SPEF2: variants seen among roughly 807,000 people sequenced by gnomAD.
SPEF2 encodes the protein sperm flagella and cilia-associated protein 2.
In SPEF2, 187 loss-of-function variants were observed where a neutral mutation model predicts 224.6. The observed-to-expected ratio is 0.83, with a 90% CI of 0.74 to 0.94. The LOEUF (loss-of-function observed/expected upper bound fraction) is 0.94. SPEF2 is among the 40% of genes least tolerant of loss of function. The probability of loss-of-function intolerance (pLI) is 0.00; values close to 1 mark genes in which losing one functional copy is unlikely to be tolerated. For missense variants in SPEF2, 2,170 were observed against 2,135.6 expected, an observed-to-expected ratio of 1.02 and a Z score of -0.32; for synonymous variants, 715 against 707.3, an observed-to-expected ratio of 1.01 and a Z score of -0.17.
rs1200473346 is a variant in SPEF2 at position 35,806,885 on chromosome 5, G to C, written c.5189G>C (p.Gly1730Ala). 6 of 1,613,930 alleles carry C rather than the reference G, an allele frequency of 3.7e-6. No individual in the cohort carries two copies. In the African/African-American group the frequency reaches 5.3e-5, roughly 14 times the overall value. The change falls in exon 35 of 37, where the codon GGG becomes GCG. Residue 1730 changes from glycine to alanine, a missense_variant. Coordinates refer to ENST00000356031, the MANE Select transcript of SPEF2 (RefSeq NM_024867.4). ...SMETLLKVFK[G>A]GSEAQDSNRF... ...GAAACACTACTCAAAGTGTTCAAAGGGGGAAGTGAAGCACAGGACTCCAAT... is the reference window on the plus strand; with the variant it reads ...GAAACACTACTCAAAGTGTTCAAAGCGGGAAGTGAAGCACAGGACTCCAAT...
chr5:35,756,846 G>A (rs892648407), intron 24 of SPEF2, among the ~76,000 whole-genome samples: 5 of 152,074 alleles, frequency 3.3e-5, no homozygotes, highest in African/African-American at 1.2e-4. Context: ...CCTGCAGGAA[G>A]GAAATCCTTT....
intron 20 of SPEF2, among the ~76,000 whole-genome samples, chr5:35,723,744 G>T (rs80045427): frequency 0.039 from 5,935 of 152,284 alleles, 158 homozygotes; most frequent in Non-Finnish European, 0.052. Context: ...GATGGAGGAA[G>T]TATGATGGGT....
intron 20 of SPEF2, among the ~76,000 whole-genome samples, chr5:35,713,151 T>C (rs770245179): frequency 1.3e-5 from 2 of 152,194 alleles, no homozygotes; most frequent in Non-Finnish European, 2.9e-5. Flanking sequence ...ATATTTTAGC[T>C]GTTATCCTTG....
intron 16 of SPEF2, among the ~76,000 whole-genome samples, chr5:35,703,260 A>T (rs1294145161): frequency 1.3e-5 from 2 of 152,120 alleles, no homozygotes; most frequent in Non-Finnish European, 2.9e-5. Context: ...TAAAAAAATG[A>T]TATCATTTAA....
intron 23 of SPEF2, among the ~76,000 whole-genome samples, chr5:35,742,031 C>T (rs367905084): frequency 9.9e-5 from 15 of 152,224 alleles, no homozygotes; most frequent in East Asian, 9.6e-4. Flanking sequence ...AATGACAAAT[C>T]CCTAATAGTC....
intron 20 of SPEF2, among the ~76,000 whole-genome samples, chr5:35,718,152 A>T (rs1194728268): frequency 6.6e-6 from 1 of 151,974 alleles, no homozygotes; most frequent in African/African-American, 2.4e-5. Flanking sequence ...GTAGGCCAAA[A>T]CCCCAACTGG....
chr5:35,716,444 C>A, intron 20 of SPEF2, among the ~76,000 whole-genome samples: 1 of 151,936 alleles, frequency 6.6e-6, no homozygotes, highest in Non-Finnish European at 1.5e-5. Context: ...ATATTAGGTA[C>A]CAAAGCATCA....
intron 18 of SPEF2, among the ~76,000 whole-genome samples, chr5:35,708,682 T>A (rs943438630): frequency 0.022 from 1 of 46 alleles, no homozygotes; most frequent in East Asian, 0.5. Context: ...CATCACCACC[T>A]CTACCTCCAT....
At chr5:35,678,153 T>C (rs115013202) in intron 10 of SPEF2, among the ~76,000 whole-genome samples, 6,394 of 152,324 alleles carry the variant, frequency 0.042, 166 homozygotes, top group Non-Finnish European at 0.055. Context: ...AAATTAAACA[T>C]GCCTGTTTTC....
intron 20 of SPEF2, among the ~76,000 whole-genome samples, chr5:35,714,260 A>T (rs183271191): frequency 1.7e-4 from 25 of 151,434 alleles, no homozygotes; most frequent in African/African-American, 5.6e-4. Flanking sequence ...ACCATCAAAG[A>T]GTAAAGAGAA....
In SPEF2 at chr5:35,801,087, A is replaced by G. The variant is rs369793521; in HGVS notation, c.5010+940A>G. 1.2e-3 allele frequency among the ~76,000 whole-genome samples: 187 copies of G among 152,314 alleles called. 7 individuals are homozygous for G. The South Asian group carries it at 0.036, about 30-fold the overall frequency. On this transcript the variant is annotated intron_variant, in intron 34 of 36. Transcript: ENST00000356031. ...CAGAGTGAGGCCAGATACATATCTAATGAGCTAACAACTCTTCAAACCAGT... is the reference window on the plus strand; with the variant it reads ...CAGAGTGAGGCCAGATACATATCTAGTGAGCTAACAACTCTTCAAACCAGT...
rs1747337589 is a variant in SPEF2, at chr5:35,740,047, G to T, written c.3191+1G>T. 1.9e-6 allele frequency: 3 copies of T among 1,614,056 alleles called. No homozygotes were observed. Reference sequence around the variant, plus strand: ...TGCTTGCTTACTTATATGAGATTAGGTAAGTAATGTTTCCAAAGTCAGAAT... The same window carrying T: ...TGCTTGCTTACTTATATGAGATTAGTTAAGTAATGTTTCCAAAGTCAGAAT... On this transcript the variant is annotated splice_donor_variant, in intron 22 of 36. Coordinates refer to ENST00000356031, the MANE Select transcript of SPEF2 (RefSeq NM_024867.4). LOFTEE classifies it high-confidence loss of function.
intron 1 of SPEF2, 104 bp from the exon 2 acceptor site, chr5:35,628,356 C>A: frequency 3.4e-6 from 2 of 592,500 alleles, no homozygotes; most frequent in South Asian, 3.1e-5. Flanking sequence ...ATTTTGAGTT[C>A]CAGTTAAATT....
intron 3 of SPEF2, 106 bp from the exon 4 acceptor site, chr5:35,644,249 A>G (rs1580097103): frequency 1.0e-6 from 1 of 974,488 alleles, no homozygotes; most frequent in South Asian, 2.3e-5. Flanking sequence ...TATCAACAAT[A>G]GTAATTTAAA....
intron 8 of SPEF2, among the ~76,000 whole-genome samples, chr5:35,664,278 G>T (rs200425377): frequency 3.5e-5 from 4 of 115,038 alleles, no homozygotes; most frequent in African/African-American, 3.1e-5. Context: ...ATGAAATAAA[G>T]AAAAAAAAAA....
At chr5:35,625,858 A>AC (rs145706682) in intron 1 of SPEF2, among the ~76,000 whole-genome samples, 2,979 of 152,308 alleles carry the variant, frequency 0.02, 56 homozygotes, top group South Asian at 0.065. Context: ...GAGGTGGCAC[A>AC]CTTTTGCCCA....
intron 16 of SPEF2, among the ~76,000 whole-genome samples, chr5:35,704,187 G>C (rs368427692): frequency 1.3e-5 from 2 of 151,852 alleles, no homozygotes; most frequent in South Asian, 4.1e-4. Flanking sequence ...CATATTTGAC[G>C]TTCCAGCCAC....
At position 35,793,245 on chromosome 5, in the gene SPEF2, C is replaced by G; in HGVS notation, c.4641C>G (p.Pro1547=). 6.2e-7 allele frequency: 1 copy of G among 1,614,184 alleles called. No homozygotes were observed. Among genetic ancestry groups the G allele is most frequent in the South Asian group, 1.1e-5 (1 of 91,074 alleles). ...TGTTAGTAACCTCAATGCCTTGGCCCATTCCCTTGGAGGAGGAGCTCCTTG... is the reference window on the plus strand; with the variant it reads ...TGTTAGTAACCTCAATGCCTTGGCCGATTCCCTTGGAGGAGGAGCTCCTTG... ...KFLLVTSMPW[P]IPLEEELLET... Residue 1547 remains proline (P), a synonymous_variant, in exon 32 of 37, where the codon CCC becomes CCG. Transcript: ENST00000356031.
At chr5:35,730,353 C>G (rs1185776103) in intron 21 of SPEF2, among the ~76,000 whole-genome samples, 1 of 152,222 alleles carries the variant, frequency 6.6e-6, no homozygotes, top group Non-Finnish European at 1.5e-5. Flanking sequence ...GACCAGGACT[C>G]CACGAAAAGA....
Sources: allele counts gnomAD v4.1 joint callset (sites outside exome capture counted in the v4.1 genomes callset), GRCh38; gene constraint gnomAD v4.1.1; transcripts MANE v1.5; gene names NCBI Gene and HGNC (gene_info 2026-07-23, HGNC 2026-07-21).